Variants in TENT2 observed in about 807,000 individuals in gnomAD.
TENT2 encodes the protein terminal nucleotidyltransferase 2.
TENT2 carries 44 observed loss-of-function variants against 72.2 expected under a neutral mutation model. That is an observed-to-expected ratio of 0.61 (90% CI 0.48 to 0.78). The LOEUF is 0.78. Ranked by LOEUF, TENT2 falls within the 30% of genes least tolerant of loss-of-function variation. TENT2 has a pLI of 0.00. For synonymous variants in TENT2, 212 were observed against 192.5 expected, an observed-to-expected ratio of 1.10 and a Z score of -0.84; for missense variants, 541 against 569.6, an observed-to-expected ratio of 0.95 and a Z score of 0.51.
chr5:79,666,480 C>A (rs1476057661), intron 11 of TENT2, among the ~76,000 whole-genome samples: 1 of 151,642 alleles, frequency 6.6e-6, no homozygotes, highest in Non-Finnish European at 1.5e-5. Flanking sequence ...TCCTGAGTAC[C>A]TGGAACGACA....
At chr5:79,672,113 A>AC (rs1335555587) in intron 12 of TENT2, among the ~76,000 whole-genome samples, 2 of 151,770 alleles carry the variant, frequency 1.3e-5, no homozygotes, top group African/African-American at 2.4e-5. Context: ...AAAAAAAAAA[A>AC]CAAAAAACTA....
chr5:79,617,509 A>G (rs1761223426), intron 1 of TENT2: 1 of 152,116 alleles, frequency 6.6e-6, no homozygotes, highest in Non-Finnish European at 1.5e-5. Context: ...ATAATCCACC[A>G]GTTGATTTTT....
chr5:79,677,945 C>T (rs1196465160), intron 12 of TENT2, among the ~76,000 whole-genome samples: 1 of 152,094 alleles, frequency 6.6e-6, no homozygotes, highest in Admixed American at 6.5e-5. Context: ...GGACTATAGG[C>T]GCCACCACGC....
intron 4 of TENT2, among the ~76,000 whole-genome samples, chr5:79,630,185 G>A (rs532836704): frequency 6.6e-6 from 1 of 152,232 alleles, no homozygotes; most frequent in South Asian, 2.1e-4. Context: ...TTATATAAAT[G>A]CTGTGCAGGA....
chr5:79,646,004 C>T (rs1197336603), intron 8 of TENT2, among the ~76,000 whole-genome samples: 1 of 152,148 alleles, frequency 6.6e-6, no homozygotes, highest in African/African-American at 2.4e-5. Flanking sequence ...TTTCAGATCA[C>T]CCAATACCAT....
chr5:79,665,108 G>C (rs1358287658), intron 11 of TENT2, among the ~76,000 whole-genome samples: 1 of 152,144 alleles, frequency 6.6e-6, no homozygotes, highest in African/African-American at 2.4e-5. Context: ...GTGCAATTCA[G>C]ATATCTTTGC....
chr5:79,656,884 T>C lies in TENT2; in HGVS notation c.1028-74T>C, dbSNP rs536393643. The C allele has an allele frequency of 3.5e-5, 37 of 1,063,896 alleles. No individual in the cohort carries two copies. In the East Asian group the frequency reaches 8.7e-4, roughly 25 times the overall value. The allele number at this position is 1,063,896 out of a possible 1,614,324, so 65.9% of individuals were successfully genotyped here. ...AACCCTTATGGTCTTATACCTGGGA[T>C]GTAGCTGACAAATTATTGCATTGTA... On this transcript the variant is annotated intron_variant, in intron 10 of 14. Transcript: ENST00000453514.
At chr5:79,659,179 C>T (rs997139726) in intron 11 of TENT2, among the ~76,000 whole-genome samples, 4 of 151,812 alleles carry the variant, frequency 2.6e-5, no homozygotes, top group Non-Finnish European at 4.4e-5. Flanking sequence ...GTAGGCTGGT[C>T]AGCAGAACAC....
rs537670778 is a variant in TENT2, at chr5:79,648,487, C to T, written c.822-130C>T. Reference sequence around the variant, plus strand: ...TCTTTAGTGTGTCATTTTAAAAACACAGATCTATGGCCTTTGGGCCCATAC... The same window carrying T: ...TCTTTAGTGTGTCATTTTAAAAACATAGATCTATGGCCTTTGGGCCCATAC... On this transcript the variant is annotated intron_variant, in intron 8 of 14. Coordinates refer to ENST00000453514, the MANE Select transcript of TENT2 (RefSeq NM_001114394.3). 4 of 620,666 alleles carry T rather than the reference C, an allele frequency of 6.4e-6. No individual in the cohort carries two copies. The East Asian group carries it at 1.2e-4, about 18-fold the overall frequency. The allele number at this position is 620,666 out of a possible 1,614,324, so 38.4% of individuals were successfully genotyped here. A position where few individuals can be genotyped will look rare whatever the true frequency, so the allele number is the denominator to read the frequency against.
intron 10 of TENT2, among the ~76,000 whole-genome samples, chr5:79,650,021 A>G (rs961093014): frequency 2.0e-5 from 3 of 152,108 alleles, no homozygotes; most frequent in Admixed American, 6.6e-5. Context: ...TAACTAACCA[A>G]CTGAACATAT....
intron 11 of TENT2, among the ~76,000 whole-genome samples, chr5:79,664,946 C>T (rs1211643023): frequency 6.6e-6 from 1 of 152,116 alleles, no homozygotes; most frequent in Non-Finnish European, 1.5e-5. Flanking sequence ...AAAGCTAATG[C>T]TCTTAGTCAC....
At chr5:79,626,789 G>GTAAT (rs61407429) in intron 4 of TENT2, among the ~76,000 whole-genome samples, 4 of 151,582 alleles carry the variant, frequency 2.6e-5, no homozygotes, top group African/African-American at 9.7e-5. Flanking sequence ...AGACTATCGT[G>GTAAT]GATATGAAAG....
At chr5:79,620,931 T>G (rs1361757608) in intron 3 of TENT2, among the ~76,000 whole-genome samples, 1 of 152,072 alleles carries the variant, frequency 6.6e-6, no homozygotes, top group African/African-American at 2.4e-5. Context: ...AGTCAATTAA[T>G]TTTAATCTTT....
intron 6 of TENT2, 43 bp from the exon 7 acceptor site, chr5:79,642,789 C>T: frequency 2.7e-6 from 4 of 1,470,632 alleles, no homozygotes; most frequent in African/African-American, 1.4e-5. Flanking sequence ...AAACATTAAA[C>T]TTAGAAAGAT....
intron 8 of TENT2, 81 bp downstream of exon 8, chr5:79,645,273 G>A: frequency 1.9e-6 from 2 of 1,064,210 alleles, no homozygotes; most frequent in South Asian, 1.6e-5. Flanking sequence ...ATTAAGAAGT[G>A]TATGTTGTAG....
chr5:79,665,078 A>G (rs1009727069), intron 11 of TENT2, among the ~76,000 whole-genome samples: 15 of 152,356 alleles, frequency 9.8e-5, no homozygotes, highest in African/African-American at 3.4e-4. Flanking sequence ...ACATCACCAG[A>G]TTAATGATGA....
intron 12 of TENT2, among the ~76,000 whole-genome samples, chr5:79,674,666 C>T (rs761244524): frequency 1.3e-5 from 2 of 152,166 alleles, no homozygotes; most frequent in Non-Finnish European, 2.9e-5. Context: ...CACACACACA[C>T]AAATGTGGCA....
chr5:79,657,623 C>A (rs1203591952), intron 11 of TENT2, among the ~76,000 whole-genome samples: 1 of 152,068 alleles, frequency 6.6e-6, no homozygotes, highest in Non-Finnish European at 1.5e-5. Context: ...TGTATGTATT[C>A]ATAATCTATA....
rs972094548 is a variant in TENT2 at position 79,653,336 on chromosome 5, GA to G, written c.1028-3615del. On this transcript the variant is annotated intron_variant, in intron 10 of 14. Coordinates refer to ENST00000453514, the MANE Select transcript of TENT2 (RefSeq NM_001114394.3). Reference sequence around the variant, plus strand: ...TCCTCCATCTACAAAAATAAAAAATGAAAAAAATTAGTTGGGCATGGTGGCA... The same window carrying G: ...TCCTCCATCTACAAAAATAAAAAATGAAAAAATTAGTTGGGCATGGTGGCA... 2.6e-4 allele frequency among the ~76,000 whole-genome samples: 39 copies of G among 151,712 alleles called. 1 individual carries two copies. The highest frequency in any genetic ancestry group is 1.5e-5 in the Non-Finnish European group (1 of 67,896).
Sources: allele counts gnomAD v4.1 joint callset (sites outside exome capture counted in the v4.1 genomes callset), GRCh38; gene constraint gnomAD v4.1.1; transcripts MANE v1.5; gene names NCBI Gene and HGNC (gene_info 2026-07-23, HGNC 2026-07-21).